Variants in STIM1 observed in about 807,000 individuals in gnomAD.
STIM1 encodes the protein stromal interaction molecule 1.
Under a neutral mutation model 74.7 loss-of-function variants are expected in STIM1, and 25 were observed. The ratio of observed to expected loss-of-function variants is 0.33; its 90% CI spans 0.24 to 0.47. The LOEUF is 0.47. STIM1 is among the 20% of genes least tolerant of loss of function. The pLI is 1.00. For missense variants in STIM1, 728 were observed against 920.8 expected (o/e 0.79, Z 2.71); for synonymous variants, 328 against 348.8 (o/e 0.94, Z 0.66).
At chr11:4,048,402 A>ATTTTTTTTTTTTTTT (rs2094210895) in intron 3 of STIM1, among the ~76,000 whole-genome samples, 1 of 152,238 alleles carries the variant, frequency 6.6e-6, no homozygotes, top group Non-Finnish European at 1.5e-5. Flanking sequence ...ACAAAAACAG[A>ATTTTTTTTTTTTTTT]TTTATACTTT....
chr11:3,908,756 A>G (rs16929656), intron 1 of STIM1, among the ~76,000 whole-genome samples: 8,773 of 152,274 alleles, frequency 0.058, 826 homozygotes, highest in African/African-American at 0.2. Flanking sequence ...TTGCTGCTGA[A>G]TGGAGTTTAT....
chr11:3,986,314 G>A (rs1220467913), intron 2 of STIM1, among the ~76,000 whole-genome samples: 1 of 152,132 alleles, frequency 6.6e-6, no homozygotes, highest in African/African-American at 2.4e-5. Flanking sequence ...GATGAATAGG[G>A]GTTTACATGG....
chr11:3,994,200 C>T (rs910750391), intron 2 of STIM1, among the ~76,000 whole-genome samples: 13 of 152,138 alleles, frequency 8.5e-5, no homozygotes, highest in African/African-American at 3.1e-4. Context: ...CTTCTGGCAT[C>T]CATTATTTTT....
At chr11:3,890,933 T>C (rs1044402557) in intron 1 of STIM1, among the ~76,000 whole-genome samples, 1 of 152,166 alleles carries the variant, frequency 6.6e-6, no homozygotes, top group Non-Finnish European at 1.5e-5. Context: ...GCTTGAGCTC[T>C]AAACTTGTAA....
At chr11:4,083,541 G>T in intron 10 of STIM1, 43 bp downstream of exon 10, 1 of 1,564,940 alleles carries the variant, frequency 6.4e-7, no homozygotes, top group Non-Finnish European at 8.7e-7. Flanking sequence ...AGCCTTTGAT[G>T]TACAGGTTGA....
intron 3 of STIM1, among the ~76,000 whole-genome samples, chr11:4,047,327 A>G (rs555115596): frequency 1.4e-4 from 22 of 152,144 alleles, no homozygotes; most frequent in Non-Finnish European, 2.5e-4. Context: ...AACAAGTAAA[A>G]GAATTTGACC....
At chr11:3,915,025 C>A (rs1590560767) in intron 1 of STIM1, among the ~76,000 whole-genome samples, 1 of 151,834 alleles carries the variant, frequency 6.6e-6, no homozygotes, top group Non-Finnish European at 1.5e-5. Context: ...TGATGTTGAT[C>A]ATCTTCTCAT....
chr11:4,067,565 T>G (rs1469148797), intron 5 of STIM1, among the ~76,000 whole-genome samples: 1 of 152,118 alleles, frequency 6.6e-6, no homozygotes, highest in Non-Finnish European at 1.5e-5. Flanking sequence ...AAAGCTGTAG[T>G]GAGAAAGTGT....
chr11:3,923,640 A>G (rs953157011), intron 1 of STIM1, among the ~76,000 whole-genome samples: 1 of 150,164 alleles, frequency 6.7e-6, no homozygotes, highest in African/African-American at 2.5e-5. Context: ...ATTCTTTCCT[A>G]CTGTACCATA....
chr11:3,861,329 G>A (rs957335091), intron 1 of STIM1, among the ~76,000 whole-genome samples: 4 of 151,742 alleles, frequency 2.6e-5, no homozygotes, highest in South Asian at 2.1e-4. Flanking sequence ...CACCTCCCAG[G>A]TTCATGCCAT....
At chr11:4,002,135 A>G (rs1307285368) in intron 2 of STIM1, among the ~76,000 whole-genome samples, 2 of 143,336 alleles carry the variant, frequency 1.4e-5, no homozygotes, top group African/African-American at 5.2e-5. Flanking sequence ...CACAATAATA[A>G]TGGGAGACTT....
chr11:3,982,115 C>T (rs1311490095), intron 2 of STIM1, among the ~76,000 whole-genome samples: 2 of 152,040 alleles, frequency 1.3e-5, no homozygotes, highest in East Asian at 3.9e-4. Flanking sequence ...CAGCCTCAAA[C>T]TCCTGGGCTC....
chr11:4,022,804 C>A (rs2093968256), intron 2 of STIM1, among the ~76,000 whole-genome samples: 1 of 152,238 alleles, frequency 6.6e-6, no homozygotes. Flanking sequence ...AGGGTGGCTT[C>A]AGCGTAGCCA....
intron 8 of STIM1, 73 bp downstream of exon 8, chr11:4,082,424 T>A: frequency 7.0e-7 from 1 of 1,431,068 alleles, no homozygotes; most frequent in Non-Finnish European, 9.6e-7. Context: ...ATCTTCCTCT[T>A]CTCTCCCTCT....
chr11:3,880,848 T>C (rs893079392), intron 1 of STIM1, among the ~76,000 whole-genome samples: 6 of 152,180 alleles, frequency 3.9e-5, no homozygotes, highest in Admixed American at 2.0e-4. Flanking sequence ...ATGAGATACA[T>C]GGACCAATAC....
At chr11:3,997,105 T>C (rs2093669963) in intron 2 of STIM1, among the ~76,000 whole-genome samples, 1 of 152,340 alleles carries the variant, frequency 6.6e-6, no homozygotes, top group East Asian at 1.9e-4. Context: ...TCTGGCCAGG[T>C]ACCTGGCAAG....
intron 1 of STIM1, among the ~76,000 whole-genome samples, chr11:3,857,970 C>T (rs2090449777): frequency 1.3e-5 from 2 of 152,166 alleles, no homozygotes; most frequent in Admixed American, 1.3e-4. Flanking sequence ...CCTTTGAGAC[C>T]TGGCTGAAAG....
intron 1 of STIM1, among the ~76,000 whole-genome samples, chr11:3,950,197 G>T (rs528904821): frequency 2.0e-5 from 3 of 150,154 alleles, no homozygotes; most frequent in South Asian, 2.1e-4. Context: ...GGAGTGGTGC[G>T]ATCTGGGCTC....
chr11:3,893,787 G>T (rs920584108), intron 1 of STIM1, among the ~76,000 whole-genome samples: 11 of 151,956 alleles, frequency 7.2e-5, no homozygotes, highest in Non-Finnish European at 1.3e-4. Flanking sequence ...CTCCCAAGTA[G>T]CTGGGATTAC....
Sources: gnomAD v4.1 joint callset for allele counts (sites outside exome capture counted in the v4.1 genomes callset) on GRCh38, gnomAD v4.1.1 for gene constraint, MANE v1.5 for transcripts, NCBI Gene and HGNC (gene_info 2026-07-23, HGNC 2026-07-21) for gene names.